Variants in TANK observed in about 807,000 individuals in gnomAD.
TANK encodes the protein TRAF family member-associated NF-kappa-B activator.
TANK carries 15 observed loss-of-function variants against 43.6 expected under a neutral mutation model. The observed-to-expected ratio is 0.34, with a 90% confidence interval of 0.23 to 0.53. The LOEUF is 0.53. TANK is among the 20% of genes least tolerant of loss of function. The pLI is 0.94. For missense variants in TANK, 417 were observed against 498.6 expected (o/e 0.84, Z 1.56); for synonymous variants, 162 against 178.2 (o/e 0.91, Z 0.73).
chr2:161,223,385 A>G (rs1273901117), intron 4 of TANK: 1 of 152,110 alleles, frequency 6.6e-6, no homozygotes, highest in Non-Finnish European at 1.5e-5. Flanking sequence ...ACATAATTGC[A>G]CCATCTTTAT....
intron 1 of TANK, among the ~76,000 whole-genome samples, chr2:161,148,194 C>T (rs776274812): frequency 3.7e-4 from 56 of 152,252 alleles, no homozygotes; most frequent in Non-Finnish European, 3.8e-4. Context: ...TTGTTATTTT[C>T]TATTTGGGTT....
chr2:161,172,867 C>G (rs547376390), intron 1 of TANK, among the ~76,000 whole-genome samples: 25 of 152,050 alleles, frequency 1.6e-4, no homozygotes, highest in African/African-American at 6.0e-4. Context: ...TCTTTATTTC[C>G]CCTGCTCTAG....
upstream of TANK, among the ~76,000 whole-genome samples, chr2:161,156,595 T>C (rs1285634156): frequency 6.6e-6 from 1 of 152,250 alleles, no homozygotes; most frequent in Non-Finnish European, 1.5e-5. Flanking sequence ...TTCCAAGCCT[T>C]GTGTCAACCT....
intron 1 of TANK, among the ~76,000 whole-genome samples, chr2:161,176,925 A>G (rs1685197425): frequency 6.6e-6 from 1 of 152,262 alleles, no homozygotes; most frequent in Middle Eastern, 3.4e-3. Context: ...TAACTTCTGT[A>G]TTAGTTTATT....
intron 1 of TANK, among the ~76,000 whole-genome samples, chr2:161,155,164 T>C (rs1684190962): frequency 6.6e-6 from 1 of 152,166 alleles, no homozygotes. Context: ...TTTCTATATA[T>C]AGATTAGAAA....
chr2:161,228,776 C>T (rs767098674), intron 6 of TANK, among the ~76,000 whole-genome samples: 10 of 152,100 alleles, frequency 6.6e-5, no homozygotes, highest in Non-Finnish European at 1.3e-4. Flanking sequence ...ACAGGCATAC[C>T]CATTTTTTAT....
rs1265865963 is a variant in TANK, at chr2:161,236,149, AAATT to A, written c.*638_*641del. 2 of 151,728 alleles carry A rather than the reference AAATT, an allele frequency of 1.3e-5. No individual in the cohort carries two copies. The highest frequency in any genetic ancestry group is 2.9e-5 in the Non-Finnish European group (2 of 67,918). The allele number at this position is 151,728 out of a possible 1,614,324, so 9.4% of individuals were successfully genotyped here. A position where few individuals can be genotyped will look rare whatever the true frequency, so the allele number is the denominator to read the frequency against. On this transcript the variant is annotated 3_prime_UTR_variant, in exon 8 of 8. Transcript: ENST00000392749. ...TTACTGTGTGTATAGCTACATGATG[AAATT>A]AATTAAATATTAAGAGGTACTTATG...
Position 161,184,952 on chromosome 2 carries a change from C to T in TANK, c.99+5191C>T, listed in dbSNP as rs78085413. 5.3e-3 allele frequency among the ~76,000 whole-genome samples: 801 copies of T among 152,154 alleles called. 6 individuals carry two copies. The highest frequency in any genetic ancestry group is 0.018 in the African/African-American group (743 of 41,522). On this transcript the variant is annotated intron_variant, in intron 2 of 7. Coordinates refer to ENST00000392749, the MANE Select transcript of TANK (RefSeq NM_001199135.3). ...ATCCTTAAATGTGGATAACATCTCC[C>T]AGTTAAGAGTGTATAGGTTGAAAGA...
At chr2:161,157,556 C>A (rs1162346492), upstream of TANK, among the ~76,000 whole-genome samples, 4 of 152,190 alleles carry the variant, frequency 2.6e-5, no homozygotes, top group Non-Finnish European at 5.9e-5. Flanking sequence ...AGTGATATTG[C>A]ACATCAAAGA....
intron 4 of TANK, among the ~76,000 whole-genome samples, chr2:161,210,472 A>C (rs956568947): frequency 6.6e-6 from 1 of 152,220 alleles, no homozygotes; most frequent in Non-Finnish European, 1.5e-5. Context: ...TACAGCAATT[A>C]GCAAGCATTA....
chr2:161,230,298 G>A (rs560801054), intron 6 of TANK, among the ~76,000 whole-genome samples: 3 of 152,220 alleles, frequency 2.0e-5, no homozygotes, highest in African/African-American at 7.2e-5. Flanking sequence ...AGATAAATGA[G>A]CTACAGAGGC....
chr2:161,183,488 T>G lies in TANK; in HGVS notation c.99+3727T>G, dbSNP rs1002184912. 8.5e-5 allele frequency among the ~76,000 whole-genome samples: 13 copies of G among 152,164 alleles called. 1 individual carries two copies. Among genetic ancestry groups the G allele is most frequent in the Admixed American group, 6.5e-4 (10 of 15,268 alleles). The stretch of plus-strand genomic sequence containing the variant: ...TTCTAGAGGAGTATTAAGATATCTT[T>G]TGGATAAGACAGAAACAGGAATTCC... On this transcript the variant is annotated intron_variant, in intron 2 of 7. Coordinates refer to ENST00000392749, the MANE Select transcript of TANK (RefSeq NM_001199135.3).
intron 2 of TANK, among the ~76,000 whole-genome samples, chr2:161,202,278 C>G (rs1035281629): frequency 1.3e-4 from 20 of 150,104 alleles, no homozygotes; most frequent in African/African-American, 4.7e-4. Context: ...CAAGCTCCGC[C>G]TCCCGGGTTC....
At chr2:161,189,146 T>C (rs1443339413) in intron 2 of TANK, among the ~76,000 whole-genome samples, 1 of 152,090 alleles carries the variant, frequency 6.6e-6, no homozygotes, top group East Asian at 1.9e-4. Context: ...AACAAAACAC[T>C]AGCAAATCAA....
exon 1 of TANK, chr2:161,137,023 A>T (rs1683606855): frequency 3.0e-6 from 3 of 985,286 alleles, no homozygotes; most frequent in South Asian, 9.4e-5. Flanking sequence ...ATCTTTACAG[A>T]GGAATAGTCT....
intron 1 of TANK, among the ~76,000 whole-genome samples, chr2:161,179,070 G>A (rs1414710685): frequency 1.3e-5 from 2 of 152,206 alleles, no homozygotes; most frequent in South Asian, 2.1e-4. Flanking sequence ...CTTTTTTAAC[G>A]TACAATGCAA....
chr2:161,189,614 C>T (rs1685821677), intron 2 of TANK, among the ~76,000 whole-genome samples: 1 of 152,062 alleles, frequency 6.6e-6, no homozygotes, highest in African/African-American at 2.4e-5. Context: ...TGTTTGTAAA[C>T]AACATGATCT....
At chr2:161,168,261 TCA>T in intron 1 of TANK, among the ~76,000 whole-genome samples, 1 of 152,218 alleles carries the variant, frequency 6.6e-6, no homozygotes. Context: ...GGAGGGAAGT[TCA>T]TTTTAAAAGG....
At chr2:161,152,754 T>C (rs1684114564) in intron 1 of TANK, among the ~76,000 whole-genome samples, 1 of 152,220 alleles carries the variant, frequency 6.6e-6, no homozygotes, top group Non-Finnish European at 1.5e-5. Context: ...GCCATAATTA[T>C]AACTTAAAAT....
Sources: gnomAD v4.1 joint callset for allele counts (sites outside exome capture counted in the v4.1 genomes callset) on GRCh38, gnomAD v4.1.1 for gene constraint, MANE v1.5 for transcripts, NCBI Gene and HGNC (gene_info 2026-07-23, HGNC 2026-07-21) for gene names.